PRDM7: variants seen among roughly 807,000 people sequenced by gnomAD.
PRDM7 encodes the protein histone-lysine N-methyltransferase PRDM7.
Under a neutral mutation model 64.3 loss-of-function variants are expected in PRDM7, and 52 were observed. The observed-to-expected ratio is 0.81, with a 90% CI of 0.65 to 1.02. The LOEUF (loss-of-function observed/expected upper bound fraction) is 1.02, where lower values mean the gene tolerates loss of function less well. Ranked by LOEUF, PRDM7 falls within the 50% of genes least tolerant of loss-of-function variation. The pLI, the probability that PRDM7 is intolerant of heterozygous loss-of-function variation, is 0.00. For synonymous variants in PRDM7, 192 were observed against 210.1 expected, an observed-to-expected ratio of 0.91 and a Z score of 0.74; for missense variants, 574 against 597.1, an observed-to-expected ratio of 0.96 and a Z score of 0.40.
chr16:90,068,591 T>C (rs2037913165), intron 4 of PRDM7, among the ~76,000 whole-genome samples: 1 of 147,764 alleles, frequency 6.8e-6, no homozygotes, highest in Non-Finnish European at 1.5e-5. Flanking sequence ...GCCGATATCA[T>C]GCCACTGCAC....
chr16:90,067,004 GC>G, intron 4 of PRDM7, 94 bp from the exon 5 acceptor site: 1 of 1,097,882 alleles, frequency 9.1e-7, no homozygotes, highest in Non-Finnish European at 1.4e-6. Flanking sequence ...TCCCTCTGTC[GC>G]CCAGGCTGGA....
rs754600973 is a variant in PRDM7 at position 90,057,534 on chromosome 16, A to G, written c.*755T>C. Reference sequence around the variant, plus strand: ...GTACACACTTGGGGTTCAGATATGTATGGAGACAAAATTAATTAGAACAGG... The same window carrying G: ...GTACACACTTGGGGTTCAGATATGTGTGGAGACAAAATTAATTAGAACAGG... On this transcript the variant is annotated 3_prime_UTR_variant, in exon 11 of 11. Transcript: ENST00000449207. 2 of 283,064 alleles carry G rather than the reference A, an allele frequency of 7.1e-6. No individual in the cohort carries two copies. The highest frequency in any genetic ancestry group is 1.3e-5 in the Non-Finnish European group (2 of 156,768). The allele number at this position is 283,064 out of a possible 1,614,324, so 17.5% of individuals were successfully genotyped here. A position where few individuals can be genotyped will look rare whatever the true frequency, so the allele number is the denominator to read the frequency against.
chr16:90,061,076 C>T (rs2037768692), intron 9 of PRDM7, among the ~76,000 whole-genome samples: 1 of 152,126 alleles, frequency 6.6e-6, no homozygotes, highest in Admixed American at 6.5e-5. Flanking sequence ...AACGACAGCC[C>T]ATTGTGGAAA....
At chr16:90,073,502 C>G (rs2037991920) in intron 4 of PRDM7, among the ~76,000 whole-genome samples, 1 of 151,580 alleles carries the variant, frequency 6.6e-6, no homozygotes, top group Admixed American at 6.6e-5. Flanking sequence ...CGGGTTCATG[C>G]CATTCTCCTG....
At chr16:90,059,052 C>T (rs1336676541) in intron 10 of PRDM7, among the ~76,000 whole-genome samples, 8 of 152,202 alleles carry the variant, frequency 5.3e-5, no homozygotes. Context: ...GCCTGGAGAT[C>T]CACAAATGTG....
chr16:90,058,342 C>T lies in PRDM7; in HGVS notation c.1426G>A (p.Ala476Thr). The T allele has an allele frequency of 6.2e-7, 1 of 1,614,224 alleles. No individual in the cohort carries two copies. Among genetic ancestry groups the T allele is most frequent in the Non-Finnish European group, 8.5e-7 (1 of 1,180,044 alleles). Reference sequence around the variant, plus strand: ...TTGACCTTTGGTTTTGTCATTACAGCAGCGTGGATCAGAATATTGCCGCTC... The same window carrying T: ...TTGACCTTTGGTTTTGTCATTACAGTAGCGTGGATCAGAATATTGCCGCTC... ...IRSGNILIHA[A>T]VMTKPKVKRS... The change falls in exon 11 of 11, where the codon GCT becomes ACT. Residue 476 changes from alanine to threonine, a missense_variant. By Grantham distance (58) the Ala-to-Thr change is moderately conservative. Coordinates refer to ENST00000449207, the MANE Select transcript of PRDM7 (RefSeq NM_001098173.2).
Position 90,058,506 on chromosome 16 carries a change from G to C in PRDM7, c.1262C>G (p.Pro421Arg). 2 of 1,614,200 alleles carry C rather than the reference G, an allele frequency of 1.2e-6. No individual in the cohort carries two copies. Among genetic ancestry groups the C allele is most frequent in the South Asian group, 1.1e-5 (1 of 91,078 alleles). The change falls in exon 11 of 11, where the codon CCT becomes CGT. Residue 421 changes from proline (P) to arginine (R), a missense_variant. By Grantham distance (103) the Pro-to-Arg change is moderately radical. Transcript: ENST00000449207. ...ENQSQRSIHV[P>R]HAVWPFQVKN... is the part of the protein sequence containing the mutation. Reference sequence around the variant, plus strand: ...GACTTGAAAAGGCCAGACAGCATGAGGGACATGGATGGATCTCTGGCTTTG... The same window carrying C: ...GACTTGAAAAGGCCAGACAGCATGACGGACATGGATGGATCTCTGGCTTTG...
At position 90,058,005 on chromosome 16, in the gene PRDM7, C is replaced by T; in HGVS notation, c.*284G>A. 6.2e-7 allele frequency: 1 copy of T among 1,607,932 alleles called. No individual in the cohort carries two copies. Among genetic ancestry groups the T allele is most frequent in the Non-Finnish European group, 8.5e-7 (1 of 1,175,968 alleles). On this transcript the variant is annotated 3_prime_UTR_variant, in exon 11 of 11. Transcript: ENST00000449207. Reference sequence around the variant, plus strand: ...AGGTCTGACTTCCGGCTAAAGCCCTCCCACACTCTCTGCAGACGTAGGGCT... The same window carrying T: ...AGGTCTGACTTCCGGCTAAAGCCCTTCCACACTCTCTGCAGACGTAGGGCT...
intron 4 of PRDM7, among the ~76,000 whole-genome samples, chr16:90,071,242 C>G (rs2037951346): frequency 6.6e-6 from 1 of 152,166 alleles, no homozygotes; most frequent in Non-Finnish European, 1.5e-5. Context: ...AGTGATTCTT[C>G]TACCTCAACC....
intron 4 of PRDM7, among the ~76,000 whole-genome samples, chr16:90,070,533 G>A (rs1302140579): frequency 6.6e-6 from 1 of 151,132 alleles, no homozygotes; most frequent in Non-Finnish European, 1.5e-5. Flanking sequence ...GCAGTGAGCC[G>A]AGATTGCACC....
At position 90,062,429 on chromosome 16, in the gene PRDM7, G is replaced by A; in HGVS notation, c.582C>T (p.Ile194=). The change falls in exon 7 of 11, where the codon ATC becomes ATT. Residue 194 remains isoleucine, a synonymous_variant. Coordinates refer to ENST00000449207, the MANE Select transcript of PRDM7 (RefSeq NM_001098173.2). ...RERKGHAYKE[I]SEPQDDDYLY... ...GGTAGTCATCATCCTGTGGCTCGCT[G>A]ATCTCTTTGTATGCATGACCCTTTC... is the stretch of plus-strand genomic sequence containing the variant. 1 of 1,614,138 alleles carries A rather than the reference G, an allele frequency of 6.2e-7. No homozygotes were observed. The highest frequency in any genetic ancestry group is 8.5e-7 in the Non-Finnish European group (1 of 1,180,008).
At position 90,075,748 on chromosome 16, in the gene PRDM7, A is replaced by G; in HGVS notation, c.69+94T>C. On this transcript the variant is annotated intron_variant, in intron 2 of 10. Transcript: ENST00000449207. This position sits in a 1 kb window ranked among gnomAD's most constrained non-coding sequence, Gnocchi z 4.3. The stretch of plus-strand genomic sequence containing the variant: ...AGCTGCCCCCATTCCATGCACATTC[A>G]GACAGAGTCACCCAAGGGTACAGGC... The G allele has an allele frequency of 6.7e-7, 1 of 1,489,784 alleles. No individual in the cohort carries two copies. Among genetic ancestry groups the G allele is most frequent in the Non-Finnish European group, 9.2e-7 (1 of 1,084,156 alleles). 92.3% of individuals were successfully genotyped at this position (1,489,784 alleles called of 1,614,324 possible).
chr16:90,062,462 C>A lies in PRDM7; in HGVS notation c.549G>T (p.Leu183=), dbSNP rs764562911. Residue 183 remains leucine, a synonymous_variant, in exon 7 of 11, where the codon CTG becomes CTT. Coordinates refer to ENST00000449207, the MANE Select transcript of PRDM7 (RefSeq NM_001098173.2). ...TGTATGCATGACCCTTTCTTTCTCG[C>A]AGGCTATACATCTTTCCTTCAGTCT... ...RKETEGKMYS[L]RERKGHAYKE... 2.5e-6 allele frequency: 4 copies of A among 1,614,158 alleles called. No individual in the cohort carries two copies. The highest frequency in any genetic ancestry group is 3.4e-6 in the Non-Finnish European group (4 of 1,180,034).
At chr16:90,073,945 G>T (rs1360082011) in intron 4 of PRDM7, among the ~76,000 whole-genome samples, 1 of 151,488 alleles carries the variant, frequency 6.6e-6, no homozygotes, top group Non-Finnish European at 1.5e-5. Flanking sequence ...ACCATGCCCA[G>T]CTATCTTTTT....
In PRDM7 at chr16:90,062,240, T is replaced by G. The variant is rs1236868529; in HGVS notation, c.611-48A>C. 5 of 1,614,086 alleles carry G rather than the reference T, an allele frequency of 3.1e-6. No homozygotes were observed. The Middle Eastern group carries it at 4.9e-4, about 159-fold the overall frequency. On this transcript the variant is annotated intron_variant, in intron 7 of 10. Coordinates refer to ENST00000449207, the MANE Select transcript of PRDM7 (RefSeq NM_001098173.2). ...TTAGGAAAGTTGTAATGCATGTTCCTTGATATAAGAGCTTCAGAAAGAGCG... is the reference window on the plus strand; with the variant it reads ...TTAGGAAAGTTGTAATGCATGTTCCGTGATATAAGAGCTTCAGAAAGAGCG...
At chr16:90,073,314 A>T (rs2037988228) in intron 4 of PRDM7, among the ~76,000 whole-genome samples, 1 of 152,086 alleles carries the variant, frequency 6.6e-6, no homozygotes, top group African/African-American at 2.4e-5. Flanking sequence ...GTGGATTTGC[A>T]GTTTAATTGT....
intron 1 of PRDM7, 91 bp from the exon 2 acceptor site, chr16:90,076,086 G>C: frequency 1.4e-6 from 1 of 732,414 alleles, no homozygotes; most frequent in Non-Finnish European, 2.2e-6. Context: ...GGGGTGTTCA[G>C]AGCAGGAAGA....
chr16:90,058,045 G>A lies in PRDM7; in HGVS notation c.*244C>T. ...GACGTAGGGCTTCCCCCCTGTGTGTGTCCTTTGGTGTGTAATAACATCTGA... is the reference window on the plus strand; with the variant it reads ...GACGTAGGGCTTCCCCCCTGTGTGTATCCTTTGGTGTGTAATAACATCTGA... On this transcript the variant is annotated 3_prime_UTR_variant, in exon 11 of 11. Coordinates refer to ENST00000449207, the MANE Select transcript of PRDM7 (RefSeq NM_001098173.2). 1.2e-6 allele frequency: 2 copies of A among 1,612,002 alleles called. No homozygotes were observed. Among genetic ancestry groups the A allele is most frequent in the Non-Finnish European group, 8.5e-7 (1 of 1,178,544 alleles).
chr16:90,073,449 G>C (rs2037991047), intron 4 of PRDM7, among the ~76,000 whole-genome samples: 1 of 151,466 alleles, frequency 6.6e-6, no homozygotes, highest in Admixed American at 6.6e-5. Flanking sequence ...GCCCAGGCCG[G>C]AGTGCAGTGG....
Sources: allele counts gnomAD v4.1 joint callset (sites outside exome capture counted in the v4.1 genomes callset), GRCh38; gene constraint gnomAD v4.1.1; non-coding constraint Gnocchi (gnomAD v3.1); transcripts MANE v1.5; gene names NCBI Gene and HGNC (gene_info 2026-07-23, HGNC 2026-07-21).